The following CCDC15 variants were observed in gnomAD, a reference collection of about 807,000 sequenced individuals.
The protein encoded by CCDC15 is coiled-coil domain-containing protein 15.
In CCDC15, 105 loss-of-function variants were observed where a neutral mutation model predicts 114.5. That is an observed-to-expected ratio of 0.92 (90% CI 0.78 to 1.08). CCDC15 has a LOEUF of 1.08. CCDC15 is among the 50% of genes least tolerant of loss of function. The pLI is 0.00. For missense variants in CCDC15, 1,105 were observed against 1,093.6 expected, an observed-to-expected ratio of 1.01 and a Z score of -0.15; for synonymous variants, 334 against 377.8, an observed-to-expected ratio of 0.88 and a Z score of 1.34.
chr11:124,988,386 C>G (rs1948212599), intron 8 of CCDC15, among the ~76,000 whole-genome samples: 1 of 152,080 alleles, frequency 6.6e-6, no homozygotes, highest in African/African-American at 2.4e-5. Flanking sequence ...AAGTACATAC[C>G]TTAATTTAAA....
chr11:125,022,762 A>G (rs909812545), intron 13 of CCDC15, among the ~76,000 whole-genome samples: 2 of 151,958 alleles, frequency 1.3e-5, no homozygotes, highest in Admixed American at 1.3e-4. Flanking sequence ...GCCTCATACT[A>G]CTGTTCAGAA....
rs759372835 is a variant in CCDC15, at chr11:125,038,618, G to A, written c.2585+14G>A. On this transcript the variant is annotated intron_variant, in intron 14 of 15. Transcript: ENST00000344762. ...AGAATACCTGAGGTAATTTGAAAAG[G>A]TCTTCATGATATTTTGGCTCTAGAA... The A allele has an allele frequency of 6.5e-7, 1 of 1,533,002 alleles. No homozygotes were observed. The highest frequency in any genetic ancestry group is 1.4e-5 in the African/African-American group (1 of 71,682). The allele number at this position is 1,533,002 out of a possible 1,614,324, so 95.0% of individuals were successfully genotyped here. A position where few individuals can be genotyped will look rare whatever the true frequency, so the allele number is the denominator to read the frequency against.
At chr11:125,000,122 C>G (rs901812605) in intron 11 of CCDC15, among the ~76,000 whole-genome samples, 1 of 152,002 alleles carries the variant, frequency 6.6e-6, no homozygotes, top group Admixed American at 6.6e-5. Flanking sequence ...CTTGGCCTCC[C>G]AAAGTGCTGG....
intron 3 of CCDC15, 93 bp from the exon 4 acceptor site, chr11:124,959,722 C>CA: frequency 8.8e-6 from 6 of 680,670 alleles, no homozygotes; most frequent in Non-Finnish European, 1.3e-5. Context: ...CCCCCCACCC[C>CA]AATTTAAAAT....
chr11:124,993,330 T>C, intron 11 of CCDC15, 87 bp downstream of exon 11: 1 of 835,484 alleles, frequency 1.2e-6, no homozygotes, highest in Non-Finnish European at 1.9e-6. Context: ...GTAAATTGCT[T>C]TTTTTTTGGC....
chr11:124,954,764 G>A lies in CCDC15; in HGVS notation c.32G>A (p.Arg11Gln). The A allele has an allele frequency of 6.2e-7, 1 of 1,613,908 alleles. No individual in the cohort carries two copies. The highest frequency in any genetic ancestry group is 8.5e-7 in the Non-Finnish European group (1 of 1,179,848). The change falls in exon 2 of 16, where the codon CGA becomes CAA. Residue 11 changes from arginine to glutamine, a missense_variant. Transcript: ENST00000344762. MLGSMARKKP[R>Q]NTSRLPLALN... is the part of the protein sequence containing the mutation. ...GGAAGTATGGCCCGAAAGAAACCTC[G>A]AAATACCTCAAGGTTGCCCCTGGCT...
intron 2 of CCDC15, among the ~76,000 whole-genome samples, chr11:124,958,827 T>C (rs1565351880): frequency 1.3e-5 from 2 of 152,152 alleles, no homozygotes; most frequent in African/African-American, 4.8e-5. Context: ...ATAGGACATA[T>C]TTGGTGAGTG....
chr11:125,003,768 C>T, intron 11 of CCDC15, 99 bp from the exon 12 acceptor site: 1 of 652,784 alleles, frequency 1.5e-6, no homozygotes. Flanking sequence ...CAATTGAGCC[C>T]AAGTTTGCAA....
intron 4 of CCDC15, among the ~76,000 whole-genome samples, chr11:124,967,881 C>A (rs1381095155): frequency 1.3e-5 from 2 of 152,206 alleles, no homozygotes; most frequent in African/African-American, 4.8e-5. Context: ...TTCCTTCTAA[C>A]AGTCAGGTCC....
intron 2 of CCDC15, among the ~76,000 whole-genome samples, chr11:124,958,620 C>T (rs1315496431): frequency 6.6e-6 from 1 of 151,884 alleles, no homozygotes; most frequent in East Asian, 1.9e-4. Context: ...TCAAGAAGTA[C>T]TATACTCAGT....
chr11:124,998,342 T>A (rs1948410576), intron 11 of CCDC15, among the ~76,000 whole-genome samples: 1 of 152,134 alleles, frequency 6.6e-6, no homozygotes, highest in Non-Finnish European at 1.5e-5. Flanking sequence ...TTGTATAGAT[T>A]TTTGTTTGTT....
chr11:124,988,390 A>G (rs1312364006), intron 8 of CCDC15, among the ~76,000 whole-genome samples: 1 of 152,242 alleles, frequency 6.6e-6, no homozygotes, highest in Non-Finnish European at 1.5e-5. Flanking sequence ...ACATACCTTA[A>G]TTTAAAAATA....
chr11:124,992,232 C>T (rs149152093), intron 9 of CCDC15, among the ~76,000 whole-genome samples: 3 of 152,300 alleles, frequency 2.0e-5, no homozygotes, highest in Non-Finnish European at 4.4e-5. Context: ...ACGTTCATAT[C>T]TTATTCCAGA....
chr11:124,975,906 T>TGA (rs36100826), intron 5 of CCDC15, among the ~76,000 whole-genome samples: 40,371 of 151,648 alleles, frequency 0.27, 6,341 homozygotes, highest in African/African-American at 0.44. Context: ...AAAACTTAAG[T>TGA]GAGTGTGGAG....
Position 125,041,062 on chromosome 11 carries a change from A to G in CCDC15, c.*351A>G, listed in dbSNP as rs975379895. 3 of 168,180 alleles carry G rather than the reference A, an allele frequency of 1.8e-5. No individual in the cohort carries two copies. The highest frequency in any genetic ancestry group is 3.8e-5 in the Non-Finnish European group (3 of 78,610). 10.4% of individuals were successfully genotyped at this position (168,180 alleles called of 1,614,324 possible). On this transcript the variant is annotated 3_prime_UTR_variant, in exon 16 of 16. Coordinates refer to ENST00000344762, the MANE Select transcript of CCDC15 (RefSeq NM_025004.3). ...CTAAAACTGTGTTTTTGAGCTTGACAGTACTGAAAATGTCTGGATGAAGCA... is the reference window on the plus strand; with the variant it reads ...CTAAAACTGTGTTTTTGAGCTTGACGGTACTGAAAATGTCTGGATGAAGCA...
chr11:125,039,036 G>A lies in CCDC15; in HGVS notation c.2701G>A (p.Ala901Thr), dbSNP rs1439040099. ...TTGGGATGCTCATCCTGATACCTGT[G>A]CCAACAACTGTATTTTCTATAAAAA... ...DFWDAHPDTC[A>T]NNCIFYKNHR... Residue 901 changes from alanine to threonine, a missense_variant, in exon 15 of 16, where the codon GCC becomes ACC. Physicochemically the swap from Ala to Thr is moderately conservative, Grantham distance 58. Transcript: ENST00000344762. 6.2e-7 allele frequency: 1 copy of A among 1,605,066 alleles called. No individual in the cohort carries two copies. The highest frequency in any genetic ancestry group is 1.1e-5 in the South Asian group (1 of 89,828).
intron 6 of CCDC15, among the ~76,000 whole-genome samples, chr11:124,985,106 A>G (rs1401031875): frequency 2.6e-5 from 4 of 152,230 alleles, no homozygotes; most frequent in African/African-American, 9.6e-5. Flanking sequence ...ATTATATGAT[A>G]TATCGTCTTT....
At chr11:124,994,766 C>T (rs944827664) in intron 11 of CCDC15, among the ~76,000 whole-genome samples, 1 of 152,182 alleles carries the variant, frequency 6.6e-6, no homozygotes, top group Non-Finnish European at 1.5e-5. Context: ...GAAAATGTTA[C>T]AACATCCTGG....
At chr11:125,014,705 TAGAAC>T (rs1418864913) in intron 13 of CCDC15, among the ~76,000 whole-genome samples, 1 of 152,188 alleles carries the variant, frequency 6.6e-6, no homozygotes, top group African/African-American at 2.4e-5. Flanking sequence ...GGCAAGGATG[TAGAAC>T]AGCTGTAACT....
Sources: allele counts gnomAD v4.1 joint callset (sites outside exome capture counted in the v4.1 genomes callset), GRCh38; gene constraint gnomAD v4.1.1; transcripts MANE v1.5; gene names NCBI Gene and HGNC (gene_info 2026-07-23, HGNC 2026-07-21).